Variants in ATP1A2 observed in about 807,000 individuals in gnomAD.
ATP1A2 encodes ATPase Na+/K+ transporting subunit alpha 2.
A neutral mutation model predicts 113.1 loss-of-function variants in ATP1A2; 56 were observed. That is an observed-to-expected ratio of 0.49 (90% confidence interval 0.40 to 0.62). The LOEUF (loss-of-function observed/expected upper bound fraction) is 0.62. ATP1A2 is among the 20% of genes least tolerant of loss of function. The pLI is 0.00. For synonymous variants in ATP1A2, 490 were observed against 526.8 expected (o/e 0.93, Z 0.96); for missense variants, 712 against 1,357.8 (o/e 0.52, Z 7.47).
intron 13 of ATP1A2, among the ~76,000 whole-genome samples, chr1:160,133,598 G>T (rs569520824): frequency 6.6e-6 from 1 of 152,154 alleles, no homozygotes; most frequent in Non-Finnish European, 1.5e-5. Flanking sequence ...GCTCAAGGTG[G>T]TGGAGGCAGG....
chr1:160,139,477 C>T (rs376813824), intron 20 of ATP1A2, among the ~76,000 whole-genome samples, 163 bp from the exon 21 acceptor site: 134 of 152,352 alleles, frequency 8.8e-4, no homozygotes, highest in African/African-American at 3.0e-3. Flanking sequence ...CAAATAACAT[C>T]TTCCTTTGGT....
intron 3 of ATP1A2, among the ~76,000 whole-genome samples, chr1:160,122,344 C>T (rs1185943356): frequency 1.3e-5 from 2 of 149,758 alleles, no homozygotes; most frequent in Non-Finnish European, 3.0e-5. Flanking sequence ...CTTTGTTGGT[C>T]TTGTCCATCT....
In ATP1A2 at chr1:160,123,986, G is replaced by A; in HGVS notation, c.425G>A (p.Gly142Asp). Residue 142 changes from glycine (G) to aspartate (D), a missense_variant, in exon 5 of 23, where the codon GGC becomes GAC. This residue lies in a region of ATP1A2 where 9 missense variants were observed against 42.6 expected (regional missense o/e 0.21). Transcript: ENST00000361216. The stretch of plus-strand genomic sequence containing the variant: ...CTGGCAGCTGTGGTCATTGTCACTG[G>A]CTGCTTCTCCTACTACCAGGAGGCC... The part of the protein sequence containing the change: ...VVLAAVVIVT[G>D]CFSYYQEAKS... The A allele has an allele frequency of 1.2e-6, 2 of 1,614,138 alleles. No homozygotes were observed. The highest frequency in any genetic ancestry group is 8.5e-7 in the Non-Finnish European group (1 of 1,180,014).
intron 1 of ATP1A2, among the ~76,000 whole-genome samples, chr1:160,116,818 CAGG>C (rs1214609203): frequency 6.6e-6 from 1 of 152,062 alleles, no homozygotes; most frequent in African/African-American, 2.4e-5. Context: ...TTTCTGGGCC[CAGG>C]AGGAGTCAGG....
In ATP1A2 at chr1:160,123,405, T is replaced by A. The variant is rs1558003499; in HGVS notation, c.370T>A (p.Ser124Thr). ...CCAGGCTGCCATGGAGGATGAACCA[T>A]CCAACGACAATGTGAGCCCACACGC... ...GIQAAMEDEP[S>T]NDNLYLGVVL... The change falls in exon 4 of 23, where the codon TCC (serine) becomes ACC (threonine). Residue 124 changes from serine (S) to threonine (T), a missense_variant. Physicochemically the swap from Ser to Thr is moderately conservative, Grantham distance 58 (BLOSUM62 1). This residue lies in a region of ATP1A2 where 109 missense variants were observed against 162.3 expected (regional missense o/e 0.67). Transcript: ENST00000361216. 6.2e-7 allele frequency: 1 copy of A among 1,614,124 alleles called. No homozygotes were observed. Among genetic ancestry groups the A allele is most frequent in the Non-Finnish European group, 8.5e-7 (1 of 1,180,018 alleles).
At chr1:160,140,364 A>G (rs560954003) in intron 22 of ATP1A2, among the ~76,000 whole-genome samples, 40 of 152,256 alleles carry the variant, frequency 2.6e-4, no homozygotes, top group South Asian at 1.4e-3. Flanking sequence ...CTGGTACTAG[A>G]ACCCAGGCCT....
chr1:160,125,198 T>G lies in ATP1A2; in HGVS notation c.693T>G (p.His231Gln). Residue 231 changes from histidine to glutamine, a missense_variant, in exon 7 of 23, where the codon CAT becomes CAG. Physicochemically the swap from His to Gln is conservative, Grantham distance 24. Coordinates refer to ENST00000361216, the MANE Select transcript of ATP1A2 (RefSeq NM_000702.4). The stretch of plus-strand genomic sequence containing the variant: ...AGACCCGCTCCCCCGAGTTCACCCA[T>G]GAGAACCCCCTGGAGACCCGCAATA... ...EPQTRSPEFT[H>Q]ENPLETRNIC... is the part of the protein sequence containing the mutation. The G allele has an allele frequency of 1.2e-6, 2 of 1,614,106 alleles. No homozygotes were observed. Among genetic ancestry groups the G allele is most frequent in the Non-Finnish European group, 1.7e-6 (2 of 1,179,992 alleles).
chr1:160,132,869 G>A (rs56067958), intron 13 of ATP1A2, among the ~76,000 whole-genome samples: 1 of 152,104 alleles, frequency 6.6e-6, no homozygotes, highest in Non-Finnish European at 1.5e-5. Context: ...GACAGGTCAA[G>A]TGAAGGGAGG....
chr1:160,129,644 C>T (rs936385435), intron 11 of ATP1A2, among the ~76,000 whole-genome samples: 12 of 152,174 alleles, frequency 7.9e-5, no homozygotes, highest in South Asian at 2.1e-4. Flanking sequence ...CCCATAGCTC[C>T]GCATCCTCTG....
chr1:160,123,843 GCTGTCATCTTGGATGGCA>G, intron 4 of ATP1A2, 82 bp from the exon 5 acceptor site: 1 of 1,043,330 alleles, frequency 9.6e-7, no homozygotes, highest in Non-Finnish European at 1.5e-6. Context: ...AAAGGTCTGG[GCTGTCATCTTGGATGGCA>G]CTGCCTGCTC....
At chr1:160,122,484 T>G (rs1351739256) in intron 3 of ATP1A2, among the ~76,000 whole-genome samples, 1 of 147,840 alleles carries the variant, frequency 6.8e-6, no homozygotes, top group African/African-American at 2.5e-5. Context: ...GCAGAAAAAA[T>G]GCAATCCTAG....
intron 3 of ATP1A2, 67 bp from the exon 4 acceptor site, chr1:160,123,146 G>T: frequency 1.3e-6 from 2 of 1,564,116 alleles, no homozygotes; most frequent in Non-Finnish European, 1.8e-6. Context: ...GAGCTGAAGG[G>T]ATGGGCATGG....
intron 1 of ATP1A2, 21 bp downstream of exon 1, chr1:160,115,894 G>A (rs1311877345): frequency 1.9e-6 from 3 of 1,601,086 alleles, no homozygotes; most frequent in African/African-American, 1.3e-5. Flanking sequence ...CTAAAGAGCA[G>A]GGGTCGCAGT....
In ATP1A2 at chr1:160,137,082, A is replaced by C. The variant is rs773515331; in HGVS notation, c.2840+51A>C. ...ACCCACCCAGGCTCTGGGCACACTCACCAACCCACACAGGCCAAGCTTCCA... is the reference window on the plus strand; with the variant it reads ...ACCCACCCAGGCTCTGGGCACACTCCCCAACCCACACAGGCCAAGCTTCCA... On this transcript the variant is annotated intron_variant, in intron 20 of 22. Coordinates refer to ENST00000361216, the MANE Select transcript of ATP1A2 (RefSeq NM_000702.4). 2.5e-6 allele frequency: 4 copies of C among 1,613,114 alleles called. No individual in the cohort carries two copies. The African/African-American group carries it at 5.3e-5, about 22-fold the overall frequency.
intron 20 of ATP1A2, 109 bp from the exon 21 acceptor site, chr1:160,139,531 T>G (rs372815554): frequency 7.1e-5 from 65 of 921,622 alleles, no homozygotes; most frequent in East Asian, 3.8e-4. Context: ...GACATGCGAC[T>G]ATGTCGTTTA....
Position 160,130,212 on chromosome 1 carries a change from G to A in ATP1A2, c.1572G>A (p.Glu524=), listed in dbSNP as rs775192056. ...RCSTILVQGK[E]IPLDKEMQDA... ...CCACCATCCTGGTGCAGGGCAAGGA[G>A]ATCCCGCTCGACAAGGAGATGCAAG... is the stretch of plus-strand genomic sequence containing the variant. The change falls in exon 12 of 23, where the codon GAG becomes GAA. Residue 524 remains glutamate, a synonymous_variant. Transcript: ENST00000361216. 23 of 1,614,116 alleles carry A rather than the reference G, an allele frequency of 1.4e-5. No individual in the cohort carries two copies. In the East Asian group the frequency reaches 5.1e-4, roughly 36 times the overall value.
intron 13 of ATP1A2, among the ~76,000 whole-genome samples, chr1:160,134,124 C>T (rs912782117): frequency 1.0e-4 from 15 of 145,396 alleles, no homozygotes; most frequent in African/African-American, 3.4e-4. Flanking sequence ...ATCCCCACCC[C>T]ACATACACAC....
chr1:160,122,903 G>C (rs1651461548), intron 3 of ATP1A2, among the ~76,000 whole-genome samples: 2 of 152,172 alleles, frequency 1.3e-5, no homozygotes, highest in African/African-American at 4.8e-5. Flanking sequence ...CAGTTGAGGT[G>C]TCTTTCCAGG....
intron 5 of ATP1A2, 26 bp from the exon 6 acceptor site, chr1:160,124,270 C>A (rs1426259542): frequency 2.5e-6 from 4 of 1,581,646 alleles, no homozygotes; most frequent in Non-Finnish European, 3.4e-6. Context: ...ACAAGCATTT[C>A]ATGAGCTGCC....
Sources: allele counts gnomAD v4.1 joint callset (sites outside exome capture counted in the v4.1 genomes callset), GRCh38; gene constraint gnomAD v4.1.1; regional missense constraint gnomAD v4.1.1; transcripts MANE v1.5; gene names NCBI Gene and HGNC (gene_info 2026-07-23, HGNC 2026-07-21).